BPTF: variants seen among roughly 807,000 people sequenced by gnomAD.
BPTF encodes the protein bromodomain PHD finger transcription factor.
Under a neutral mutation model 292.5 loss-of-function variants are expected in BPTF, and 18 were observed. The ratio of observed to expected loss-of-function variants is 0.06; its 90% confidence interval spans 0.04 to 0.09. The LOEUF is 0.09. Among genes scored for constraint, BPTF ranks in the 10% least tolerant of loss-of-function variants. BPTF has a pLI of 1.00. For synonymous variants in BPTF, 1,225 were observed against 1,251.9 expected (o/e 0.98, Z 0.45); for missense variants, 2,726 against 3,498.7 (o/e 0.78, Z 5.57).
At chr17:67,895,462 ATTTT>A (rs1228953258) in intron 7 of BPTF, among the ~76,000 whole-genome samples, 10 of 130,986 alleles carry the variant, frequency 7.6e-5, no homozygotes, top group Admixed American at 2.3e-4. Flanking sequence ...CACCACATAC[ATTTT>A]TTTTTTTTTT....
intron 26 of BPTF, among the ~76,000 whole-genome samples, chr17:67,968,870 T>C (rs2068439236): frequency 6.6e-6 from 1 of 151,096 alleles, no homozygotes; most frequent in African/African-American, 2.5e-5. Context: ...TAATCCTAGC[T>C]GCTCGGGAGG....
intron 1 of BPTF, among the ~76,000 whole-genome samples, chr17:67,834,074 GTCATCCATCCA>G: frequency 6.6e-6 from 1 of 152,180 alleles, no homozygotes; most frequent in South Asian, 2.1e-4. Flanking sequence ...CTAACTCCTA[GTCATCCATCCA>G]TCACCTTCTC....
intron 9 of BPTF, among the ~76,000 whole-genome samples, chr17:67,908,678 C>T (rs974933441): frequency 4.0e-5 from 6 of 149,912 alleles, no homozygotes; most frequent in Admixed American, 2.0e-4. Flanking sequence ...TTAATAGAGG[C>T]GGGGTTTCAC....
chr17:67,859,128 T>A (rs75035861), intron 2 of BPTF, among the ~76,000 whole-genome samples: 63 of 152,236 alleles, frequency 4.1e-4, no homozygotes, highest in African/African-American at 1.3e-3. Context: ...CTATATTTTT[T>A]AATTATTATT....
chr17:67,931,671 CT>C (rs1341961707), intron 17 of BPTF, among the ~76,000 whole-genome samples: 3 of 152,120 alleles, frequency 2.0e-5, no homozygotes, highest in African/African-American at 7.2e-5. Context: ...ATTCCATAGG[CT>C]ATTTTGGTAT....
chr17:67,980,777 A>G (rs2070251494), intron 27 of BPTF, among the ~76,000 whole-genome samples: 1 of 152,190 alleles, frequency 6.6e-6, no homozygotes, highest in Admixed American at 6.5e-5. Context: ...TGGTTATTTT[A>G]TGTAGTTTTT....
At chr17:67,944,647 A>G in intron 20 of BPTF, 1 of 462,710 alleles carries the variant, frequency 2.2e-6, no homozygotes, top group Non-Finnish European at 4.0e-6. Context: ...GCCCACACTT[A>G]CTCCTTGCTA....
chr17:67,931,073 T>C (rs547269065), intron 17 of BPTF, among the ~76,000 whole-genome samples: 78 of 152,258 alleles, frequency 5.1e-4, no homozygotes, highest in South Asian at 3.1e-3. Context: ...GAAACCATCC[T>C]GGTCAATATG....
chr17:67,975,507 G>T (rs953111747), intron 26 of BPTF: 11 of 319,896 alleles, frequency 3.4e-5, no homozygotes, highest in Non-Finnish European at 5.1e-5. Flanking sequence ...CAAACCATTT[G>T]AATGAAGAAC....
chr17:67,977,344 A>G (rs1361939449), intron 27 of BPTF, among the ~76,000 whole-genome samples: 1 of 151,900 alleles, frequency 6.6e-6, no homozygotes, highest in Non-Finnish European at 1.5e-5. Context: ...GCAAAACCCC[A>G]TCTCTCCTTA....
chr17:67,842,627 T>G (rs8074078), intron 1 of BPTF, among the ~76,000 whole-genome samples: 46,454 of 152,042 alleles, frequency 0.31, 8,472 homozygotes, highest in East Asian at 0.66. Flanking sequence ...CAAAGATTTT[T>G]TGATGACAAA....
At position 67,982,425 on chromosome 17, in the gene BPTF, A is replaced by T; in HGVS notation, c.*137A>T. On this transcript the variant is annotated 3_prime_UTR_variant, in exon 28 of 28. Transcript: ENST00000306378. Reference sequence around the variant, plus strand: ...AAACTTCGTTTTTATTGGTCATAACAGTCCAATTATATTCTTGGCCAATTT... The same window carrying T: ...AAACTTCGTTTTTATTGGTCATAACTGTCCAATTATATTCTTGGCCAATTT... 1.5e-6 allele frequency: 1 copy of T among 682,102 alleles called. No individual in the cohort carries two copies. Among genetic ancestry groups the T allele is most frequent in the Non-Finnish European group, 2.3e-6 (1 of 433,796 alleles). 42.3% of individuals were successfully genotyped at this position (682,102 alleles called of 1,614,324 possible).
chr17:67,936,782 A>G (rs2064951793), intron 18 of BPTF: 1 of 152,218 alleles, frequency 6.6e-6, no homozygotes, highest in Non-Finnish European at 1.5e-5. Flanking sequence ...GCCAGGGTGT[A>G]TGTGTTTTGT....
At chr17:67,954,483 C>T (rs2066733729) in intron 23 of BPTF, among the ~76,000 whole-genome samples, 1 of 152,122 alleles carries the variant, frequency 6.6e-6, no homozygotes, top group South Asian at 2.1e-4. Context: ...GGAGCCGGCT[C>T]TTATCACTGC....
chr17:67,925,044 C>A, intron 15 of BPTF, among the ~76,000 whole-genome samples: 1 of 148,040 alleles, frequency 6.8e-6, no homozygotes, highest in African/African-American at 2.6e-5. Context: ...CCATTGCACC[C>A]ATCCAGGTTT....
chr17:67,847,154 G>T (rs2144695133), intron 1 of BPTF, among the ~76,000 whole-genome samples: 1 of 152,300 alleles, frequency 6.6e-6, no homozygotes, highest in Non-Finnish European at 1.5e-5. Context: ...TTATGGAGTT[G>T]ATCTGAGGAT....
At chr17:67,980,973 C>T (rs1555696398) in intron 27 of BPTF, among the ~76,000 whole-genome samples, 1 of 152,146 alleles carries the variant, frequency 6.6e-6, no homozygotes, top group Non-Finnish European at 1.5e-5. Flanking sequence ...GCCTGGGCAA[C>T]ATGGGGAAAC....
At chr17:67,942,958 T>A (rs2065499465) in intron 19 of BPTF, among the ~76,000 whole-genome samples, 1 of 152,184 alleles carries the variant, frequency 6.6e-6, no homozygotes, top group Admixed American at 6.5e-5. Flanking sequence ...CTGCATTGCC[T>A]GCCTGGAGGG....
At chr17:67,887,537 A>G (rs1350095725) in intron 4 of BPTF, among the ~76,000 whole-genome samples, 4 of 152,182 alleles carry the variant, frequency 2.6e-5, no homozygotes, top group Non-Finnish European at 4.4e-5. Context: ...GTAATTCTTT[A>G]TAATACTTCT....
Sources: allele counts gnomAD v4.1 joint callset (sites outside exome capture counted in the v4.1 genomes callset), GRCh38; gene constraint gnomAD v4.1.1; transcripts MANE v1.5; gene names NCBI Gene and HGNC (gene_info 2026-07-23, HGNC 2026-07-21).